Variants in DHODH observed in about 807,000 individuals in gnomAD.
The protein encoded by DHODH is dihydroorotate dehydrogenase (quinone), mitochondrial.
A neutral mutation model predicts 39.7 loss-of-function variants in DHODH; 30 were observed. That is an observed-to-expected ratio of 0.76 (90% CI 0.57 to 1.02). The LOEUF is 1.02. Ranked by LOEUF, DHODH falls within the 50% of genes least tolerant of loss-of-function variation. DHODH has a pLI of 0.00. For synonymous variants in DHODH, 222 were observed against 213.8 expected, an observed-to-expected ratio of 1.04 and a Z score of -0.34; for missense variants, 531 against 520.8, an observed-to-expected ratio of 1.02 and a Z score of -0.19.
rs1171806169 is a variant in DHODH at position 72,024,235 on chromosome 16, TC to T, written c.*39del. ...TGACGGGAAGCCTGATCTGGAACCT[TC>T]CCAAGGACTCAGGCAAGCCTTTGTG... On this transcript the variant is annotated 3_prime_UTR_variant, in exon 9 of 9. Coordinates refer to ENST00000219240, the MANE Select transcript of DHODH (RefSeq NM_001361.5). 6.2e-7 allele frequency: 1 copy of T among 1,610,860 alleles called. No individual in the cohort carries two copies. Among genetic ancestry groups the T allele is most frequent in the Admixed American group, 1.7e-5 (1 of 60,012 alleles).
chr16:72,023,073 C>G, intron 6 of DHODH, 92 bp from the exon 7 acceptor site: 1 of 1,350,766 alleles, frequency 7.4e-7, no homozygotes. Context: ...GGTGTGGGTA[C>G]CTGGCCCGGC....
chr16:72,019,155 C>T (rs1424866613), intron 4 of DHODH, among the ~76,000 whole-genome samples: 2 of 152,104 alleles, frequency 1.3e-5, no homozygotes, highest in African/African-American at 4.8e-5. Context: ...AGGGTTTCAC[C>T]GTGTTGGCCA....
chr16:72,016,024 C>T lies in DHODH; in HGVS notation c.435-1000C>T, dbSNP rs144934581. Reference sequence around the variant, plus strand: ...TCATAACAGGTGCAATGGGCAGGTCCAGGGTTGGTTGAGCACCAGGGCAGT... The same window carrying T: ...TCATAACAGGTGCAATGGGCAGGTCTAGGGTTGGTTGAGCACCAGGGCAGT... On this transcript the variant is annotated intron_variant, in intron 3 of 8. Coordinates refer to ENST00000219240, the MANE Select transcript of DHODH (RefSeq NM_001361.5). 4.2e-3 allele frequency: 1,408 copies of T among 339,214 alleles called. 4 individuals are homozygous for T. Among genetic ancestry groups the T allele is most frequent in the Non-Finnish European group, 4.9e-3 (1,179 of 239,304 alleles). The allele number at this position is 339,214 out of a possible 1,614,324, so 21.0% of individuals were successfully genotyped here. A position where few individuals can be genotyped will look rare whatever the true frequency, so the allele number is the denominator to read the frequency against.
chr16:72,023,479 G>T lies in DHODH; in HGVS notation c.979G>T (p.Val327Phe). The T allele has an allele frequency of 6.2e-7, 1 of 1,614,158 alleles. No homozygotes were observed. The highest frequency in any genetic ancestry group is 8.5e-7 in the Non-Finnish European group (1 of 1,180,040). ...CGCCATGTGCTTCTCTGTAGGCCGA[G>T]TTCCCATAATTGGGGTTGGTGGTGT... is the stretch of plus-strand genomic sequence containing the variant. ...REMYALTQGR[V>F]PIIGVGGVSS... Residue 327 changes from valine (V) to phenylalanine (F), a missense_variant, in exon 8 of 9, where the codon GTT becomes TTT. By Grantham distance (50) the Val-to-Phe change is conservative. Transcript: ENST00000219240.
Position 72,023,460 on chromosome 16 carries a change from G to A in DHODH, c.974-14G>A, listed in dbSNP as rs748861936. 24 of 1,614,186 alleles carry A rather than the reference G, an allele frequency of 1.5e-5. No individual in the cohort carries two copies. In the South Asian group the frequency reaches 2.3e-4, roughly 16 times the overall value. On this transcript the variant is annotated splice_polypyrimidine_tract_variant and intron_variant, in intron 7 of 8. Coordinates refer to ENST00000219240, the MANE Select transcript of DHODH (RefSeq NM_001361.5). ...ACATCCTTCTTTATGGTGTCGCCAT[G>A]TGCTTCTCTGTAGGCCGAGTTCCCA... is the stretch of plus-strand genomic sequence containing the variant.
chr16:72,015,901 A>G, intron 3 of DHODH: 1 of 983,906 alleles, frequency 1.0e-6, no homozygotes, highest in Non-Finnish European at 1.2e-6. Flanking sequence ...GAAGTTATGA[A>G]GTCATCAGAT....
chr16:72,022,168 T>C (rs2041225400), intron 5 of DHODH, among the ~76,000 whole-genome samples, 194 bp from the exon 6 acceptor site: 1 of 151,754 alleles, frequency 6.6e-6, no homozygotes, highest in African/African-American at 2.4e-5. Flanking sequence ...CGGGATCCCT[T>C]GGCCTAAAAG....
chr16:72,024,333 C>T lies in DHODH; in HGVS notation c.*134C>T. 3.2e-6 allele frequency: 3 copies of T among 931,074 alleles called. No individual in the cohort carries two copies. The highest frequency in any genetic ancestry group is 5.2e-6 in the Non-Finnish European group (3 of 580,690). 57.7% of individuals were successfully genotyped at this position (931,074 alleles called of 1,614,324 possible). A position where few individuals can be genotyped will look rare whatever the true frequency, so the allele number is the denominator to read the frequency against. ...CCATGGCATGGCTGCACTGTAAACG[C>T]CAATCGGGGGGTCACCAGGATCAAC... On this transcript the variant is annotated 3_prime_UTR_variant, in exon 9 of 9. Coordinates refer to ENST00000219240, the MANE Select transcript of DHODH (RefSeq NM_001361.5).
At chr16:72,008,999 C>A in intron 1 of DHODH, 1 of 1,466,768 alleles carries the variant, frequency 6.8e-7, no homozygotes, top group Non-Finnish European at 9.0e-7. Flanking sequence ...GCCTGCAGGT[C>A]TGGGTGGGTG....
rs1349177201 is a variant in DHODH at position 72,024,423 on chromosome 16, AC to A, written c.*227del. The A allele has an allele frequency of 5.9e-5, 35 of 591,172 alleles. No individual in the cohort carries two copies. The highest frequency in any genetic ancestry group is 9.7e-5 in the South Asian group (5 of 51,750). The allele number at this position is 591,172 out of a possible 1,614,324, so 36.6% of individuals were successfully genotyped here. A position where few individuals can be genotyped will look rare whatever the true frequency, so the allele number is the denominator to read the frequency against. On this transcript the variant is annotated 3_prime_UTR_variant, in exon 9 of 9. Coordinates refer to ENST00000219240, the MANE Select transcript of DHODH (RefSeq NM_001361.5). ...CATTTTTGATTCTTTGTGGATTCAA[AC>A]CCTAGGATCCATCAGTCTTGCAAGG...
At chr16:72,022,613 T>C in intron 6 of DHODH, 138 bp downstream of exon 6, 1 of 740,040 alleles carries the variant, frequency 1.4e-6, no homozygotes, top group Non-Finnish European at 2.4e-6. Flanking sequence ...TGTGTCATGG[T>C]GTAACTCACC....
At chr16:72,019,968 C>A (rs112838799) in intron 4 of DHODH, among the ~76,000 whole-genome samples, 18 of 152,132 alleles carry the variant, frequency 1.2e-4, no homozygotes, top group Admixed American at 3.3e-4. Context: ...ATGGTGAAAC[C>A]CCTTCTCTAC....
At chr16:72,014,951 C>T (rs1451883872) in intron 3 of DHODH, among the ~76,000 whole-genome samples, 4 of 152,170 alleles carry the variant, frequency 2.6e-5, no homozygotes, top group Non-Finnish European at 5.9e-5. Context: ...AGAGCTTGGG[C>T]ATGGCCTGGG....
At chr16:72,016,966 T>G (rs2041148124) in intron 3 of DHODH, 58 bp from the exon 4 acceptor site, 3 of 1,490,966 alleles carry the variant, frequency 2.0e-6, no homozygotes, top group Non-Finnish European at 2.8e-6. Flanking sequence ...CCTAAGTGTA[T>G]GGGAAGTGGC....
At chr16:72,013,232 A>G (rs962935948) in intron 2 of DHODH, among the ~76,000 whole-genome samples, 3 of 152,204 alleles carry the variant, frequency 2.0e-5, no homozygotes, top group African/African-American at 7.2e-5. Flanking sequence ...CTCACACACT[A>G]ACAGGCACTG....
Position 72,012,181 on chromosome 16 carries a change from G to C in DHODH, c.153G>C (p.Pro51=). Residue 51 remains proline, a synonymous_variant, in exon 2 of 9, where the codon CCG becomes CCC. Transcript: ENST00000219240. ...LMPTLQGLLD[P]ESAHRLAVRF... is the part of the protein sequence containing the mutation. Reference sequence around the variant, plus strand: ...CGACTCTGCAGGGGCTGCTGGACCCGGAGTCAGCCCACAGACTGGCTGTTC... The same window carrying C: ...CGACTCTGCAGGGGCTGCTGGACCCCGAGTCAGCCCACAGACTGGCTGTTC... The C allele has an allele frequency of 6.2e-7, 1 of 1,614,144 alleles. No homozygotes were observed. The highest frequency in any genetic ancestry group is 8.5e-7 in the Non-Finnish European group (1 of 1,180,022).
chr16:72,008,769 C>G lies in DHODH; in HGVS notation c.5C>G (p.Ala2Gly). 1.1e-5 allele frequency: 17 copies of G among 1,551,772 alleles called. No homozygotes were observed. Among genetic ancestry groups the G allele is most frequent in the Non-Finnish European group, 1.4e-5 (16 of 1,147,028 alleles). The change falls in exon 1 of 9, where the codon GCG (alanine) becomes GGG (glycine). Residue 2 changes from alanine (A) to glycine (G), a missense_variant. Ala to Gly is a moderately conservative substitution (Grantham distance 60). Transcript: ENST00000219240. ...GGGCTTAATGACGGAAGGAGCATGG[C>G]GTGGAGACACCTGAAAGTGAGTCCC... Reference protein sequence around the residue: MAWRHLKKRAQD... With the variant: MGWRHLKKRAQD...
At chr16:72,010,622 C>A (rs1046956602) in intron 1 of DHODH, among the ~76,000 whole-genome samples, 4 of 152,188 alleles carry the variant, frequency 2.6e-5, no homozygotes, top group African/African-American at 9.7e-5. Flanking sequence ...CAGCATGTGG[C>A]AGTGATAGAG....
At chr16:72,012,338 G>A in intron 2 of DHODH, 76 bp downstream of exon 2, 1 of 1,368,852 alleles carries the variant, frequency 7.3e-7, no homozygotes, top group Non-Finnish European at 1.0e-6. Context: ...AGCTGGGACT[G>A]ATCTTTTTGA....
Sources: gnomAD v4.1 joint callset for allele counts (sites outside exome capture counted in the v4.1 genomes callset) on GRCh38, gnomAD v4.1.1 for gene constraint, MANE v1.5 for transcripts, NCBI Gene and HGNC (gene_info 2026-07-23, HGNC 2026-07-21) for gene names.